CCDC146: variants seen among roughly 807,000 people sequenced by gnomAD.
CCDC146 encodes the protein coiled-coil domain containing 146, also known as coiled-coil domain-containing protein 146.
A neutral mutation model predicts 119.3 loss-of-function variants in CCDC146; 92 were observed. The ratio of observed to expected loss-of-function variants is 0.77; its 90% CI spans 0.65 to 0.92. CCDC146 has a LOEUF of 0.92. Ranked by LOEUF, CCDC146 falls within the 40% of genes least tolerant of loss-of-function variation. CCDC146 has a pLI of 0.00. For synonymous variants in CCDC146, 372 were observed against 371.8 expected (o/e 1.00, Z -0.01); for missense variants, 1,000 against 1,103.0 (o/e 0.91, Z 1.32).
chr7:77,202,069 A>T, intron 2 of CCDC146, among the ~76,000 whole-genome samples: 1 of 152,374 alleles, frequency 6.6e-6, no homozygotes, highest in East Asian at 1.9e-4. Context: ...TATACTCAGC[A>T]CTATGCTAGA....
At chr7:77,215,021 A>G (rs1243528510) in intron 2 of CCDC146, among the ~76,000 whole-genome samples, 2 of 151,940 alleles carry the variant, frequency 1.3e-5, no homozygotes, top group Admixed American at 6.6e-5. Flanking sequence ...TTTTCTCTTC[A>G]CTTATTTATT....
intron 2 of CCDC146, among the ~76,000 whole-genome samples, chr7:77,227,374 C>T (rs888574337): frequency 6.6e-4 from 101 of 152,294 alleles, no homozygotes; most frequent in African/African-American, 2.3e-3. Flanking sequence ...GGTGCAATCT[C>T]GGCTCACTGC....
intron 4 of CCDC146, among the ~76,000 whole-genome samples, chr7:77,249,089 A>G (rs188432860): frequency 1.3e-5 from 2 of 152,162 alleles, no homozygotes; most frequent in Non-Finnish European, 2.9e-5. Flanking sequence ...CTTTTGATAG[A>G]GGGATGTTGA....
chr7:77,167,595 T>C lies in CCDC146; in HGVS notation c.-11-63T>C, dbSNP rs1435298591. The C allele has an allele frequency of 6.7e-6, 8 of 1,197,008 alleles. No homozygotes were observed. In the East Asian group the frequency reaches 1.2e-4, roughly 18 times the overall value. The allele number at this position is 1,197,008 out of a possible 1,614,324, so 74.1% of individuals were successfully genotyped here. ...TTTTGTTTATTTTTATTATTTTCCA[T>C]TAATTTTACTTTATAAGTGAAGACA... is the stretch of plus-strand genomic sequence containing the variant. On this transcript the variant is annotated intron_variant, in intron 1 of 18. Transcript: ENST00000285871.
Position 77,294,371 on chromosome 7 carries a change from G to T in CCDC146, c.2665-292G>T, listed in dbSNP as rs112323928. On this transcript the variant is annotated intron_variant, in intron 18 of 18. Transcript: ENST00000285871. ...ACAGCCCATTCCAATGAGGTGTGGG[G>T]GTGTGTGTGTGTGGTGTGATTCCAC... is the stretch of plus-strand genomic sequence containing the variant. 3.1e-3 allele frequency among the ~76,000 whole-genome samples: 464 copies of T among 151,512 alleles called. 1 individual carries two copies. Among genetic ancestry groups the T allele is most frequent in the African/African-American group, 9.7e-3 (400 of 41,284 alleles).
At position 77,256,422 on chromosome 7, in the gene CCDC146, A is replaced by C. The variant is rs775697738; in HGVS notation, c.597A>C (p.Leu199Phe). ...IMQKKLEIKN[L>F]REDLASKQKQ... is the part of the protein sequence containing the mutation. ...AGAAGAAATTAGAAATTAAAAATTT[A>C]CGAGAAGATTTGGCATCTAAACAAA... The change falls in exon 6 of 19, where the codon TTA becomes TTC. Residue 199 changes from leucine to phenylalanine, a missense_variant. Around this residue, in one of 2 missense-constraint regions of CCDC146, gnomAD observed 985 missense variants for 1,045.3 expected, o/e 0.94. Transcript: ENST00000285871. The C allele has an allele frequency of 6.2e-7, 1 of 1,608,062 alleles. No homozygotes were observed. The highest frequency in any genetic ancestry group is 1.1e-5 in the South Asian group (1 of 89,326).
Position 77,191,735 on chromosome 7 carries a change from A to T in CCDC146, c.156+23911A>T, listed in dbSNP as rs148006047. Among the ~76,000 whole-genome samples the T allele has an allele frequency of 5.7e-3, 859 of 151,822 alleles. 6 individuals carry two copies. Among genetic ancestry groups the T allele is most frequent in the African/African-American group, 0.019 (781 of 41,396 alleles). Reference sequence around the variant, plus strand: ...CATCCTGGCTAACACGGTGAAACCCAGTCTCTACTAAAAATACAAAACAAA... The same window carrying T: ...CATCCTGGCTAACACGGTGAAACCCTGTCTCTACTAAAAATACAAAACAAA... On this transcript the variant is annotated intron_variant, in intron 2 of 18. Coordinates refer to ENST00000285871, the MANE Select transcript of CCDC146 (RefSeq NM_020879.3).
intron 1 of CCDC146, among the ~76,000 whole-genome samples, chr7:77,136,908 C>T (rs1267011724): frequency 6.6e-6 from 1 of 152,088 alleles, no homozygotes; most frequent in Non-Finnish European, 1.5e-5. Flanking sequence ...ATACCACTAC[C>T]AAATGGGATT....
rs557876410 is a variant in CCDC146 at position 77,286,916 on chromosome 7, A to C, written c.2267A>C (p.Lys756Thr). 1.7e-5 allele frequency: 27 copies of C among 1,614,080 alleles called. No homozygotes were observed. In the South Asian group the frequency reaches 3.0e-4, roughly 18 times the overall value. Residue 756 changes from lysine to threonine, a missense_variant, in exon 16 of 19, where the codon AAA becomes ACA. Physicochemically the swap from Lys to Thr is moderately conservative, Grantham distance 78 (BLOSUM62 -1). Transcript: ENST00000285871. ...KDLTEKEMIQ[K>T]LDKLELQLAK... ...CTGACCGAAAAAGAAATGATCCAAA[A>C]ATTAGACAAGGTAAACATTATTGCT...
rs117790642 is a variant in CCDC146 at position 77,217,977 on chromosome 7, T to C, written c.157-18970T>C. 4.1e-3 allele frequency among the ~76,000 whole-genome samples: 629 copies of C among 152,290 alleles called. 18 individuals are homozygous for C. The East Asian group carries it at 0.064, about 16-fold the overall frequency. ...TGAGTCAGTGAGTGGTGAGTGAATG[T>C]GAAGGCCTAGGACATTACTGTACTG... On this transcript the variant is annotated intron_variant, in intron 2 of 18. Coordinates refer to ENST00000285871, the MANE Select transcript of CCDC146 (RefSeq NM_020879.3).
chr7:77,277,668 A>T (rs1440359788), intron 11 of CCDC146, among the ~76,000 whole-genome samples: 1 of 152,156 alleles, frequency 6.6e-6, no homozygotes, highest in South Asian at 2.1e-4. Context: ...TTTATTATTC[A>T]TGTGTACAGT....
chr7:77,283,101 A>G (rs1793791671), intron 15 of CCDC146, among the ~76,000 whole-genome samples: 2 of 152,140 alleles, frequency 1.3e-5, no homozygotes, highest in Admixed American at 1.3e-4. Flanking sequence ...CACTACCCTC[A>G]GCATAATTAT....
intron 15 of CCDC146, 54 bp downstream of exon 15, chr7:77,282,839 T>A: frequency 7.7e-7 from 1 of 1,292,242 alleles, no homozygotes; most frequent in Non-Finnish European, 1.1e-6. Flanking sequence ...TTTCTGCCTT[T>A]ATTAGTTTGT....
intron 2 of CCDC146, among the ~76,000 whole-genome samples, chr7:77,228,233 T>C (rs1792553888): frequency 6.6e-6 from 1 of 152,230 alleles, no homozygotes; most frequent in Non-Finnish European, 1.5e-5. Context: ...TGGAGGTTTG[T>C]TGTACAGATT....
At chr7:77,160,376 T>C (rs957713616) in intron 1 of CCDC146, among the ~76,000 whole-genome samples, 3 of 152,206 alleles carry the variant, frequency 2.0e-5, no homozygotes, top group Admixed American at 6.5e-5. Flanking sequence ...GCCATTTTCA[T>C]GATATTGATT....
At chr7:77,155,885 A>G (rs1480489716) in intron 1 of CCDC146, among the ~76,000 whole-genome samples, 1 of 152,140 alleles carries the variant, frequency 6.6e-6, no homozygotes, top group Non-Finnish European at 1.5e-5. Flanking sequence ...CTACTCAGAA[A>G]TGAGTAATAC....
At chr7:77,232,744 C>T (rs933212083) in intron 2 of CCDC146, among the ~76,000 whole-genome samples, 4 of 152,160 alleles carry the variant, frequency 2.6e-5, no homozygotes, top group African/African-American at 7.2e-5. Context: ...CTGGCACTAC[C>T]GAACAGCTAC....
chr7:77,216,117 T>C (rs773736361), intron 2 of CCDC146, among the ~76,000 whole-genome samples: 1 of 152,136 alleles, frequency 6.6e-6, no homozygotes, highest in Non-Finnish European at 1.5e-5. Context: ...TAGGAAGATT[T>C]GTGCTTTTGT....
At chr7:77,276,856 A>G (rs1793655120) in intron 11 of CCDC146, among the ~76,000 whole-genome samples, 1 of 152,202 alleles carries the variant, frequency 6.6e-6, no homozygotes, top group Non-Finnish European at 1.5e-5. Context: ...GGATCACCTG[A>G]GGTCAGGAGT....
Sources: allele counts gnomAD v4.1 joint callset (sites outside exome capture counted in the v4.1 genomes callset), GRCh38; gene constraint gnomAD v4.1.1; regional missense constraint gnomAD v4.1.1; transcripts MANE v1.5; gene names NCBI Gene and HGNC (gene_info 2026-07-23, HGNC 2026-07-21).